The following PRAMEF9 variants were observed in gnomAD, a reference collection of about 807,000 sequenced individuals.
PRAMEF9 encodes PRAME family member 9/15.
Under a neutral mutation model 10.9 loss-of-function variants are expected in PRAMEF9, and 1 was observed. The ratio of observed to expected loss-of-function variants is 0.09; its 90% CI spans 0.03 to 0.44. The LOEUF (loss-of-function observed/expected upper bound fraction) is 0.44, where lower values mean the gene tolerates loss of function less well. PRAMEF9 is among the 20% of genes least tolerant of loss of function. PRAMEF9 has a pLI of 0.97. For missense variants in PRAMEF9, 126 were observed against 379.8 expected (o/e 0.33, Z 5.55); for synonymous variants, 40 against 148.3 (o/e 0.27, Z 5.31).
At position 13,172,329 on chromosome 1, in the gene PRAMEF9, T is replaced by G. The variant is rs1462663535; in HGVS notation, c.-220T>G. Reference sequence around the variant, plus strand: ...CCCAATCAGGATTACCTGGGTGGAGTGGAGCTTCACAAATGCAATCAGATA... The same window carrying G: ...CCCAATCAGGATTACCTGGGTGGAGGGGAGCTTCACAAATGCAATCAGATA... On this transcript the variant is annotated 5_prime_UTR_variant, in exon 1 of 4. Coordinates refer to ENST00000415919, the MANE Select transcript of PRAMEF9 (RefSeq NM_001010890.3). 1 of 123,160 alleles carries G rather than the reference T, an allele frequency of 8.1e-6. No individual in the cohort carries two copies. The highest frequency in any genetic ancestry group is 2.6e-5 in the African/African-American group (1 of 38,162). 7.6% of individuals were successfully genotyped at this position (123,160 alleles called of 1,614,324 possible).
chr1:13,173,409 C>T (rs1329536109), intron 1 of PRAMEF9: 2 of 20,920 alleles, frequency 9.6e-5, no homozygotes, highest in African/African-American at 2.2e-4. Context: ...GTAGTCCCAG[C>T]TACGTGGAAG....
intron 1 of PRAMEF9, 81 bp downstream of exon 1, chr1:13,172,613 T>C (rs1224966200): frequency 1.2e-4 from 16 of 137,218 alleles, no homozygotes; most frequent in African/African-American, 3.4e-4. Flanking sequence ...CAGCCTAAGA[T>C]GGCAGAGAGC....
rs1373373553 is a variant in PRAMEF9, at chr1:13,175,106, G to C, written c.-16-159G>C. ...CGCTCATGCTGATGCAGCAGAGGCA[G>C]AATGCTGGCTTAATGGCCACTGAGT... On this transcript the variant is annotated intron_variant, in intron 1 of 3. Coordinates refer to ENST00000415919, the MANE Select transcript of PRAMEF9 (RefSeq NM_001010890.3). 4.3e-3 allele frequency: 3,373 copies of C among 783,360 alleles called. 215 individuals carry two copies. The highest frequency in any genetic ancestry group is 6.7e-3 in the South Asian group (388 of 57,628). 48.5% of individuals were successfully genotyped at this position (783,360 alleles called of 1,614,324 possible).
chr1:13,175,351 C>G lies in PRAMEF9; in HGVS notation c.71C>G (p.Ala24Gly). The G allele has an allele frequency of 8.6e-7, 1 of 1,156,816 alleles. No homozygotes were observed. Among genetic ancestry groups the G allele is most frequent in the Non-Finnish European group, 1.2e-6 (1 of 804,526 alleles). The allele number at this position is 1,156,816 out of a possible 1,614,324, so 71.7% of individuals were successfully genotyped here. ...LAGRSLLRDQ[A>G]LAMSTLEELP... ...GGGCGGAGCCTGCTGAGGGACCAAG[C>G]CTTGGCCATGTCCACCCTGGAGGAG... Residue 24 changes from alanine to glycine, a missense_variant, in exon 2 of 4, where the codon GCC becomes GGC. Physicochemically the swap from Ala to Gly is moderately conservative, Grantham distance 60 (BLOSUM62 0). Transcript: ENST00000415919.
At chr1:13,172,597 A>T (rs1175476664) in intron 1 of PRAMEF9, 65 bp downstream of exon 1, 2 of 138,114 alleles carry the variant, frequency 1.4e-5, no homozygotes, top group Non-Finnish European at 3.3e-5. Context: ...TGGGATGGTG[A>T]CAGTGCAGCC....
At chr1:13,172,885 A>C (rs1295037696) in intron 1 of PRAMEF9, 1 of 138,824 alleles carries the variant, frequency 7.2e-6, no homozygotes, top group Non-Finnish European at 1.6e-5. Context: ...GTTTTTTTTG[A>C]GGGTGGGGAT....
chr1:13,175,485 A>G lies in PRAMEF9; in HGVS notation c.205A>G (p.Arg69Gly), dbSNP rs1638370839. The change falls in exon 2 of 4, where the codon AGG becomes GGG. Residue 69 changes from arginine to glycine, a missense_variant. Coordinates refer to ENST00000415919, the MANE Select transcript of PRAMEF9 (RefSeq NM_001010890.3). ...QAWPFRRLPLRPLIKMPCLEA... is the reference protein window; with the variant it reads ...QAWPFRRLPLGPLIKMPCLEA... ...CTGGCCCTTCCGCCGCCTCCCTCTG[A>G]GGCCTCTGATAAAGATGCCTTGTCT... 5 of 1,522,134 alleles carry G rather than the reference A, an allele frequency of 3.3e-6. No individual in the cohort carries two copies. In the Admixed American group the frequency reaches 5.4e-5, roughly 17 times the overall value. The allele number at this position is 1,522,134 out of a possible 1,614,324, so 94.3% of individuals were successfully genotyped here. A position where few individuals can be genotyped will look rare whatever the true frequency, so the allele number is the denominator to read the frequency against.
Position 13,172,203 on chromosome 1 carries a change from C to G in PRAMEF9, c.-346C>G, listed in dbSNP as rs1303018719. On this transcript the variant is annotated 5_prime_UTR_variant, in exon 1 of 4. Coordinates refer to ENST00000415919, the MANE Select transcript of PRAMEF9 (RefSeq NM_001010890.3). ...AATGAATGTATTCTTGACTTCTACC[C>G]TATCCCTAACACTGTCAATTTCTTG... 4 of 144,654 alleles carry G rather than the reference C, an allele frequency of 2.8e-5. 1 individual carries two copies. Among genetic ancestry groups the G allele is most frequent in the Non-Finnish European group, 6.3e-5 (4 of 63,956 alleles). 9.0% of individuals were successfully genotyped at this position (144,654 alleles called of 1,614,324 possible).
At chr1:13,173,078 CGCT>C (rs1638346774) in intron 1 of PRAMEF9, 1 of 101,484 alleles carries the variant, frequency 9.9e-6, no homozygotes, top group Non-Finnish European at 2.3e-5. Flanking sequence ...GGTTTCACCA[CGCT>C]GGCCAGGTTG....
At chr1:13,175,170 A>G in intron 1 of PRAMEF9, 95 bp from the exon 2 acceptor site, 1 of 1,280,116 alleles carries the variant, frequency 7.8e-7, no homozygotes, top group Non-Finnish European at 1.1e-6. Context: ...CTGTTTCACC[A>G]TTGCCAGAGC....
rs781908298 is a variant in PRAMEF9, at chr1:13,178,944, G to A, written c.1249G>A (p.Ala417Thr). ...AAACTTATGCGTGGAGGTGTATCCT[G>A]CCCCGCGGGAGAGTTATGGTGCTGA... ...LKNLCVEVYP[A>T]PRESYGADGT... The change falls in exon 4 of 4, where the codon GCC becomes ACC. Residue 417 changes from alanine (A) to threonine (T), a missense_variant. Ala to Thr is a moderately conservative substitution (Grantham distance 58). Transcript: ENST00000415919. 36 of 1,534,362 alleles carry A rather than the reference G, an allele frequency of 2.3e-5. 6 individuals are homozygous for A. Among genetic ancestry groups the A allele is most frequent in the Non-Finnish European group, 2.8e-5 (31 of 1,119,986 alleles).
rs1302336170 is a variant in PRAMEF9 at position 13,175,592 on chromosome 1, G to T, written c.293+19G>T. On this transcript the variant is annotated intron_variant, in intron 2 of 3. Transcript: ENST00000415919. ...GTCCCAGGTGAGGTGGCCCAGGTGG[G>T]CTGGTGGGGAGGGCCCAGGTGTCCA... The T allele has an allele frequency of 6.6e-7, 1 of 1,521,134 alleles. No homozygotes were observed. The highest frequency in any genetic ancestry group is 9.0e-7 in the Non-Finnish European group (1 of 1,112,038). The allele number at this position is 1,521,134 out of a possible 1,614,324, so 94.2% of individuals were successfully genotyped here.
chr1:13,172,562 C>T (rs1374583185), intron 1 of PRAMEF9, 30 bp downstream of exon 1: 4 of 140,070 alleles, frequency 2.9e-5, no homozygotes, highest in African/African-American at 7.4e-5. Context: ...AAGGACACTC[C>T]CATCTGACCT....
intron 1 of PRAMEF9, 197 bp from the exon 2 acceptor site, chr1:13,175,068 A>G: frequency 1.6e-6 from 1 of 615,844 alleles, no homozygotes; most frequent in East Asian, 3.1e-5. Flanking sequence ...CTGCTTCCTC[A>G]CTGCTTCGGA....
chr1:13,178,831 G>T lies in PRAMEF9; in HGVS notation c.1136G>T (p.Cys379Phe). The T allele has an allele frequency of 6.9e-7, 1 of 1,446,128 alleles. No individual in the cohort carries two copies. Among genetic ancestry groups the T allele is most frequent in the Non-Finnish European group, 9.5e-7 (1 of 1,053,196 alleles). 89.6% of individuals were successfully genotyped at this position (1,446,128 alleles called of 1,614,324 possible). A position where few individuals can be genotyped will look rare whatever the true frequency, so the allele number is the denominator to read the frequency against. ...GCCATCCTGCCTGCCCTGAGCCGCTGCTTTGAGCTCAATGCCTTCAGCTTC... is the reference window on the plus strand; with the variant it reads ...GCCATCCTGCCTGCCCTGAGCCGCTTCTTTGAGCTCAATGCCTTCAGCTTC... ...VNAILPALSR[C>F]FELNAFSFCG... The change falls in exon 4 of 4, where the codon TGC (cysteine) becomes TTC (phenylalanine). Residue 379 changes from cysteine (C) to phenylalanine (F), a missense_variant. Transcript: ENST00000415919.
chr1:13,172,868 A>G (rs1279010147), intron 1 of PRAMEF9: 2 of 140,892 alleles, frequency 1.4e-5, no homozygotes, highest in African/African-American at 4.9e-5. Flanking sequence ...ACCCTCCTCT[A>G]CACAACGTTT....
chr1:13,175,945 TA>T (rs1188386594), intron 2 of PRAMEF9: 1 of 266,030 alleles, frequency 3.8e-6, no homozygotes, highest in Admixed American at 7.0e-5. Flanking sequence ...TGGGCTCCTG[TA>T]ATCCCAGCTA....
chr1:13,172,963 C>G (rs1259601682), intron 1 of PRAMEF9: 5 of 131,464 alleles, frequency 3.8e-5, no homozygotes, highest in Non-Finnish European at 6.9e-5. Context: ...ACCTTTAACT[C>G]CTGGGTTCAA....
intron 1 of PRAMEF9, chr1:13,173,315 C>G (rs1262918218): frequency 5.6e-5 from 3 of 53,592 alleles, no homozygotes; most frequent in Admixed American, 2.9e-4. Context: ...CAAAATCAAT[C>G]AAAAAGGATC....
Sources: allele counts gnomAD v4.1 joint callset, GRCh38; gene constraint gnomAD v4.1.1; transcripts MANE v1.5; gene names NCBI Gene and HGNC (gene_info 2026-07-23, HGNC 2026-07-21).